SIGLEC1: variants seen among roughly 807,000 people sequenced by gnomAD.
The protein encoded by SIGLEC1 is sialoadhesin.
A neutral mutation model predicts 148.0 loss-of-function variants in SIGLEC1; 132 were observed. The ratio of observed to expected loss-of-function variants is 0.89; its 90% confidence interval spans 0.77 to 1.03. SIGLEC1 has a LOEUF of 1.03. SIGLEC1 is among the 50% of genes least tolerant of loss of function. SIGLEC1 has a pLI of 0.00. For synonymous variants in SIGLEC1, 945 were observed against 969.0 expected, an observed-to-expected ratio of 0.98 and a Z score of 0.46; for missense variants, 2,253 against 2,271.4, an observed-to-expected ratio of 0.99 and a Z score of 0.16.
intron 11 of SIGLEC1, among the ~76,000 whole-genome samples, chr20:3,696,129 T>TATAC (rs11087599): frequency 0.022 from 3,063 of 142,454 alleles, 45 homozygotes; most frequent in African/African-American, 0.035. Context: ...ACTATATATA[T>TATAC]ACACACACAC....
In SIGLEC1 at chr20:3,691,467, C is replaced by T; in HGVS notation, c.4464G>A (p.Leu1488=). 2.5e-6 allele frequency: 4 copies of T among 1,613,194 alleles called. No individual in the cohort carries two copies. Among genetic ancestry groups the T allele is most frequent in the Non-Finnish European group, 2.5e-6 (3 of 1,179,940 alleles). ...TFAWFWNDRR[L]HAEPVPTLAF... ...CGAGAGTGGGCACAGGCTCCGCGTG[C>T]AGCCGCCGGTCATTCCAGAACCATG... is the stretch of plus-strand genomic sequence containing the variant. The change falls in exon 18 of 22, where the codon CTG becomes CTA. Residue 1488 remains leucine (L), a synonymous_variant. Coordinates refer to ENST00000344754, the MANE Select transcript of SIGLEC1 (RefSeq NM_023068.4).
chr20:3,691,605 G>A lies in SIGLEC1; in HGVS notation c.4331-5C>T, dbSNP rs748707032. On this transcript the variant is annotated splice_polypyrimidine_tract_variant and splice_region_variant and intron_variant, in intron 17 of 21. Transcript: ENST00000344754. Reference sequence around the variant, plus strand: ...GCTCTGCCACCACGCGTGCACCTGCGGGCGGAGGATAGAGAGATGATTGGG... The same window carrying A: ...GCTCTGCCACCACGCGTGCACCTGCAGGCGGAGGATAGAGAGATGATTGGG... 23 of 1,610,598 alleles carry A rather than the reference G, an allele frequency of 1.4e-5. No homozygotes were observed. The highest frequency in any genetic ancestry group is 1.1e-4 in the East Asian group (5 of 44,834).
chr20:3,706,465 C>T lies in SIGLEC1; in HGVS notation c.291G>A (p.Val97=), dbSNP rs936457368. 1.2e-5 allele frequency: 20 copies of T among 1,614,054 alleles called. No individual in the cohort carries two copies. Among genetic ancestry groups the T allele is most frequent in the Non-Finnish European group, 1.7e-5 (20 of 1,180,036 alleles). The part of the protein sequence containing the change: ...TEFMGNPEHR[V]CNLLLKDLQP... ...GCAGGTCCTTCAGCAGCAGGTTGCACACCCTGTGCTCGGGGTTCCCCATGA... is the reference window on the plus strand; with the variant it reads ...GCAGGTCCTTCAGCAGCAGGTTGCATACCCTGTGCTCGGGGTTCCCCATGA... Residue 97 remains valine (V), a synonymous_variant, in exon 3 of 22, where the codon GTG becomes GTA. Coordinates refer to ENST00000344754, the MANE Select transcript of SIGLEC1 (RefSeq NM_023068.4).
intron 1 of SIGLEC1, among the ~76,000 whole-genome samples, chr20:3,711,645 T>A (rs1355650463): frequency 6.6e-6 from 1 of 152,050 alleles, no homozygotes; most frequent in Non-Finnish European, 1.5e-5. Flanking sequence ...CAGATTATGG[T>A]CAAAATAGTG....
In SIGLEC1 at chr20:3,693,555, T is replaced by G; in HGVS notation, c.3400A>C (p.Ile1134Leu). The G allele has an allele frequency of 6.2e-7, 1 of 1,612,596 alleles. No homozygotes were observed. Among genetic ancestry groups the G allele is most frequent in the Non-Finnish European group, 8.5e-7 (1 of 1,179,556 alleles). ...CTGACTGTGACGTTGGGCAGGGGGA[T>G]GGAGTGGGCATCCAGGCGCTGCTGC... ...DGQQRLDAHS[I>L]PLPNVTVRDA... The change falls in exon 14 of 22, where the codon ATC becomes CTC. Residue 1134 changes from isoleucine to leucine, a missense_variant. Ile to Leu is a conservative substitution (Grantham distance 5). Coordinates refer to ENST00000344754, the MANE Select transcript of SIGLEC1 (RefSeq NM_023068.4).
chr20:3,706,314 C>G (rs1568847325), intron 3 of SIGLEC1, 33 bp downstream of exon 3: 3 of 1,580,696 alleles, frequency 1.9e-6, no homozygotes, highest in Non-Finnish European at 2.6e-6. Context: ...GGGAATCCCT[C>G]CCGGGGGGCA....
Position 3,696,868 on chromosome 20 carries a change from GCT to G in SIGLEC1, c.2399_2400del (p.Lys800ThrfsTer53), listed in dbSNP as rs1441764703. 6.4e-7 allele frequency: 1 copy of G among 1,560,802 alleles called. No individual in the cohort carries two copies. The highest frequency in any genetic ancestry group is 8.7e-7 in the Non-Finnish European group (1 of 1,154,172). ...LSVLYPPDRP[K>X]LSALLDMGQG... ...TGGCCCATGTCTAGGAGGGCTGACA[GCT>G]TTGGACGGTCCGGGGGATCTGCAGG... On this transcript the variant is annotated frameshift_variant, in exon 11 of 22. Transcript: ENST00000344754. LOFTEE classifies it high-confidence loss of function.
intron 8 of SIGLEC1, 25 bp downstream of exon 8, chr20:3,699,177 G>T (rs1294393510): frequency 1.2e-6 from 2 of 1,603,642 alleles, no homozygotes. Context: ...CCGGCAGGAG[G>T]CTGCAACAGG....
Position 3,696,129 on chromosome 20 carries a change from T to TATATACACACACAC in SIGLEC1, c.2683+456_2683+457insGTGTGTGTGTATAT, listed in dbSNP as rs11087599. Among the ~76,000 whole-genome samples the TATATACACACACAC allele has an allele frequency of 2.1e-3, 296 of 142,504 alleles. 2 individuals carry two copies. The highest frequency in any genetic ancestry group is 7.5e-3 in the African/African-American group (273 of 36,568). 93.5% of individuals were successfully genotyped at this position (142,504 alleles called of 152,430 possible). On this transcript the variant is annotated intron_variant, in intron 11 of 21. Coordinates refer to ENST00000344754, the MANE Select transcript of SIGLEC1 (RefSeq NM_023068.4). Reference sequence around the variant, plus strand: ...AGGATTTTTATAGAGACTATATATATACACACACACAAACACACACACACA... The same window carrying TATATACACACACAC: ...AGGATTTTTATAGAGACTATATATATATATACACACACACACACACACACAAACACACACACACA...
At position 3,688,255 on chromosome 20, in the gene SIGLEC1, A is replaced by T. The variant is rs2088718439; in HGVS notation, c.*305T>A. 2.5e-6 allele frequency: 1 copy of T among 404,066 alleles called. No individual in the cohort carries two copies. The highest frequency in any genetic ancestry group is 2.1e-5 in the African/African-American group (1 of 48,466). 25.0% of individuals were successfully genotyped at this position (404,066 alleles called of 1,614,324 possible). A position where few individuals can be genotyped will look rare whatever the true frequency, so the allele number is the denominator to read the frequency against. On this transcript the variant is annotated 3_prime_UTR_variant, in exon 22 of 22. Transcript: ENST00000344754. ...TCCAGGGTGACTTTCGAGGAGAAGG[A>T]TGTGAAAGGGCAGGGCTTCCTTTGA...
chr20:3,697,610 T>C (rs1461354845), intron 9 of SIGLEC1, among the ~76,000 whole-genome samples, 188 bp downstream of exon 9: 1 of 152,052 alleles, frequency 6.6e-6, no homozygotes, highest in Non-Finnish European at 1.5e-5. Context: ...ACCAGCTGTG[T>C]TGCCTATCCC....
chr20:3,693,218 C>G, intron 14 of SIGLEC1, 87 bp from the exon 15 acceptor site: 1 of 1,418,742 alleles, frequency 7.0e-7, no homozygotes, highest in Non-Finnish European at 9.4e-7. Context: ...TCAGGAGGGC[C>G]CTGGCTCCCC....
chr20:3,709,479 A>T (rs2087917274), intron 1 of SIGLEC1, among the ~76,000 whole-genome samples: 1 of 152,226 alleles, frequency 6.6e-6, no homozygotes, highest in African/African-American at 2.4e-5. Flanking sequence ...TGCTGGTGGG[A>T]ATATAAAATG....
rs374937472 is a variant in SIGLEC1, at chr20:3,703,520, C to T, written c.974-69G>A. On this transcript the variant is annotated intron_variant, in intron 5 of 21. Transcript: ENST00000344754. ...TCCAGCCCCAGCCCCATACAGTCCC[C>T]GGGTCTCAGCCAATCAGCCTCAATC... 402 of 1,514,868 alleles carry T rather than the reference C, an allele frequency of 2.7e-4. 2 individuals carry two copies. Among genetic ancestry groups the T allele is most frequent in the African/African-American group, 1.5e-3 (107 of 71,902 alleles). 93.8% of individuals were successfully genotyped at this position (1,514,868 alleles called of 1,614,324 possible).
intron 18 of SIGLEC1, among the ~76,000 whole-genome samples, chr20:3,690,859 C>A (rs2088753037): frequency 7.6e-6 from 1 of 131,932 alleles, no homozygotes; most frequent in Non-Finnish European, 1.5e-5. Context: ...GAGACAGAGT[C>A]TCAGTCTGTC....
intron 1 of SIGLEC1, among the ~76,000 whole-genome samples, chr20:3,711,572 G>A (rs1469635531): frequency 6.6e-6 from 1 of 152,186 alleles, no homozygotes; most frequent in Non-Finnish European, 1.5e-5. Context: ...AGGGTGACAT[G>A]GCCAGCTGGA....
In SIGLEC1 at chr20:3,704,024, G is replaced by A; in HGVS notation, c.774C>T (p.Val258=). 6.2e-7 allele frequency: 1 copy of A among 1,613,618 alleles called. No individual in the cohort carries two copies. Among genetic ancestry groups the A allele is most frequent in the Non-Finnish European group, 8.5e-7 (1 of 1,179,808 alleles). Residue 258 remains valine (V), a synonymous_variant, in exon 5 of 22, where the codon GTC becomes GTT. Coordinates refer to ENST00000344754, the MANE Select transcript of SIGLEC1 (RefSeq NM_023068.4). ...TGCTGTTCACCTGGCAGGTGAGTGT[G>A]ACCAGCTCACCTGGAAGGATGTTCC... ...SGRNILPGEL[V]TLTCQVNSSY...
Position 3,689,999 on chromosome 20 carries a change from C to T in SIGLEC1, c.4857G>A (p.Leu1619=), listed in dbSNP as rs8115679. 3.7e-3 allele frequency: 5,982 copies of T among 1,613,092 alleles called. 212 individuals are homozygous for T. In the African/African-American group the frequency reaches 0.072, roughly 19 times the overall value. ...GEYICSASNV[L]GSASTSTYFG... ...AGTAGGTGGAGGTAGAGGCAGAGCC[C>T]AGGACATTTGAGGCAGAACAGATGT... The change falls in exon 19 of 22, where the codon CTG becomes CTA. Residue 1619 remains leucine, a synonymous_variant. Transcript: ENST00000344754.
chr20:3,691,376 C>A lies in SIGLEC1; in HGVS notation c.4555G>T (p.Ala1519Ser), dbSNP rs2853217. 1 of 1,613,448 alleles carries A rather than the reference C, an allele frequency of 6.2e-7. No individual in the cohort carries two copies. Residue 1519 changes from alanine to serine, a missense_variant, in exon 18 of 22, where the codon GCT becomes TCT. Transcript: ENST00000344754. ...AGCATGACTGGAGCAGAGGCAGCAG[C>A]CCCAGTGGGGAGCTCAGCCAGGCAG... ...YHCLAELPTG[A>S]AASAPVMLRV...
Sources: allele counts gnomAD v4.1 joint callset (sites outside exome capture counted in the v4.1 genomes callset), GRCh38; gene constraint gnomAD v4.1.1; transcripts MANE v1.5; gene names NCBI Gene and HGNC (gene_info 2026-07-23, HGNC 2026-07-21).